The following MAGI1 variants were observed in gnomAD, a reference collection of about 807,000 sequenced individuals.
MAGI1 encodes membrane-associated guanylate kinase, WW and PDZ domain-containing protein 1.
A neutral mutation model predicts 139.9 loss-of-function variants in MAGI1; 58 were observed. That is an observed-to-expected ratio of 0.41 (90% CI 0.34 to 0.52). The LOEUF is 0.52. Ranked by LOEUF, MAGI1 falls within the 20% of genes least tolerant of loss-of-function variation. The pLI, the probability that MAGI1 is intolerant of heterozygous loss-of-function variation, is 0.12. For missense variants in MAGI1, 1,874 were observed against 1,901.6 expected (o/e 0.99, Z 0.27); for synonymous variants, 812 against 737.9 (o/e 1.10, Z -1.63).
chr3:66,000,192 G>C (rs1252155962), intron 1 of MAGI1, among the ~76,000 whole-genome samples: 1 of 151,896 alleles, frequency 6.6e-6, no homozygotes, highest in Non-Finnish European at 1.5e-5. Context: ...TAGCCAGAAC[G>C]GTCTCGATCT....
At chr3:65,762,591 C>G (rs1344570541) in intron 1 of MAGI1, among the ~76,000 whole-genome samples, 1 of 152,000 alleles carries the variant, frequency 6.6e-6, no homozygotes, top group African/African-American at 2.4e-5. Flanking sequence ...TAAGCAGGGC[C>G]CAGGGAAACA....
chr3:65,976,395 G>A lies in MAGI1; in HGVS notation c.313+61601C>T, dbSNP rs193213260. ...TGTAATCCCAGCACTGTGGGGAGAC[G>A]GAGGAGGGTGGATCACTTGAGGACA... On this transcript the variant is annotated intron_variant, in intron 1 of 22. Transcript: ENST00000402939. 2.2e-3 allele frequency among the ~76,000 whole-genome samples: 329 copies of A among 152,188 alleles called. 2 individuals carry two copies. The highest frequency in any genetic ancestry group is 0.019 in the Admixed American group (285 of 15,282).
intron 20 of MAGI1, 33 bp downstream of exon 20, chr3:65,364,632 A>G (rs368492243): frequency 2.1e-5 from 33 of 1,593,764 alleles, no homozygotes; most frequent in Admixed American, 3.4e-5. Flanking sequence ...GGAAACGTGC[A>G]AAGTATAGAG....
chr3:65,905,068 A>G (rs1268377109), intron 1 of MAGI1, among the ~76,000 whole-genome samples: 1 of 152,204 alleles, frequency 6.6e-6, no homozygotes, highest in African/African-American at 2.4e-5. Flanking sequence ...AAATTATACT[A>G]AAAATAAGAA....
chr3:65,381,893 A>G lies in MAGI1; in HGVS notation c.2685T>C (p.Arg895=). Residue 895 remains arginine (R), a synonymous_variant, in exon 16 of 23, where the codon CGT becomes CGC. Transcript: ENST00000402939. ...AATACATACCCGCAAAAACCACTTT[A>G]CGCCGCACCGTGAGATTGACGTGGC... ...KQGHVNLTVR[R]KVVFAVPKTE... is the part of the protein sequence containing the mutation. 6.2e-7 allele frequency: 1 copy of G among 1,612,856 alleles called. No individual in the cohort carries two copies.
chr3:65,765,565 G>A (rs1212588728), intron 1 of MAGI1, among the ~76,000 whole-genome samples: 2 of 152,164 alleles, frequency 1.3e-5, no homozygotes, highest in African/African-American at 4.8e-5. Context: ...TTCGGGCCCA[G>A]GACAACCTAA....
intron 1 of MAGI1, among the ~76,000 whole-genome samples, chr3:65,852,004 G>T (rs984572167): frequency 1.3e-5 from 2 of 152,190 alleles, no homozygotes; most frequent in Non-Finnish European, 2.9e-5. Flanking sequence ...AATCATATGG[G>T]GAAGGTTTTT....
chr3:65,839,217 A>G (rs1310815842), intron 1 of MAGI1, among the ~76,000 whole-genome samples: 1 of 152,238 alleles, frequency 6.6e-6, no homozygotes, highest in Non-Finnish European at 1.5e-5. Context: ...TGTAGCCATC[A>G]TAAGATTCTA....
At chr3:65,737,114 C>T (rs1198159241) in intron 1 of MAGI1, among the ~76,000 whole-genome samples, 1 of 152,122 alleles carries the variant, frequency 6.6e-6, no homozygotes, top group Admixed American at 6.5e-5. Context: ...ACACCATTCT[C>T]CTGCCTCAGC....
intron 1 of MAGI1, among the ~76,000 whole-genome samples, chr3:65,857,559 C>T (rs12496852): frequency 0.14 from 21,578 of 152,126 alleles, 1,604 homozygotes; most frequent in African/African-American, 0.18. Context: ...CAGAGCTAAT[C>T]GCTCAGGCTG....
intron 1 of MAGI1, among the ~76,000 whole-genome samples, chr3:65,917,796 G>A (rs1374147370): frequency 1.3e-5 from 2 of 152,178 alleles, no homozygotes; most frequent in African/African-American, 4.8e-5. Context: ...TAAATAAGTA[G>A]AGCACCAAGA....
chr3:65,844,115 T>C, intron 1 of MAGI1: 1 of 517,080 alleles, frequency 1.9e-6, no homozygotes, highest in Non-Finnish European at 3.8e-6. Context: ...GGCCAAACAG[T>C]GGGGCTGGAC....
intron 14 of MAGI1, chr3:65,387,363 T>C: frequency 1.7e-6 from 1 of 583,054 alleles, no homozygotes; most frequent in East Asian, 3.0e-5. Context: ...GTTAAAAGAC[T>C]ATAGTTTGAT....
intron 1 of MAGI1, among the ~76,000 whole-genome samples, chr3:65,900,475 T>G (rs1383219535): frequency 6.6e-6 from 1 of 152,338 alleles, no homozygotes; most frequent in East Asian, 1.9e-4. Flanking sequence ...TGGTAAGCAC[T>G]CAATAAATGT....
At chr3:65,968,670 A>C (rs532700788) in intron 1 of MAGI1, among the ~76,000 whole-genome samples, 30 of 151,994 alleles carry the variant, frequency 2.0e-4, no homozygotes, top group African/African-American at 6.7e-4. Context: ...TATACGTATA[A>C]ACAATTCTAG....
Position 65,729,127 on chromosome 3 carries a change from G to T in MAGI1, c.314-107039C>A, listed in dbSNP as rs1043522651. 2.7e-4 allele frequency among the ~76,000 whole-genome samples: 18 copies of T among 67,282 alleles called. 3 individuals are homozygous for T. The highest frequency in any genetic ancestry group is 2.0e-3 in the South Asian group (4 of 2,026). The allele number at this position is 67,282 out of a possible 152,430, so 44.1% of individuals were successfully genotyped here. A position where few individuals can be genotyped will look rare whatever the true frequency, so the allele number is the denominator to read the frequency against. ...AGTTAACAAAAAATGGAACGGGGGG[G>T]GGGGGGGGGATGATATTCACTCTGA... On this transcript the variant is annotated intron_variant, in intron 1 of 22. Coordinates refer to ENST00000402939, the MANE Select transcript of MAGI1 (RefSeq NM_001033057.2).
intron 1 of MAGI1, among the ~76,000 whole-genome samples, chr3:65,857,322 T>C (rs1452719202): frequency 1.3e-5 from 2 of 152,236 alleles, no homozygotes; most frequent in Non-Finnish European, 2.9e-5. Context: ...TACCAAGTAA[T>C]GCTGCAGAGA....
At chr3:65,558,330 T>C (rs1334533004) in intron 2 of MAGI1, among the ~76,000 whole-genome samples, 2 of 152,128 alleles carry the variant, frequency 1.3e-5, no homozygotes, top group Non-Finnish European at 2.9e-5. Context: ...GTGGAAAGAA[T>C]TACTAAGCAA....
chr3:65,770,659 C>T (rs1022078686), intron 1 of MAGI1, among the ~76,000 whole-genome samples: 5 of 152,040 alleles, frequency 3.3e-5, no homozygotes, highest in Non-Finnish European at 7.4e-5. Context: ...TGCATATAGG[C>T]GTATCCTTTT....
Sources: gnomAD v4.1 joint callset for allele counts (sites outside exome capture counted in the v4.1 genomes callset) on GRCh38, gnomAD v4.1.1 for gene constraint, MANE v1.5 for transcripts, NCBI Gene and HGNC (gene_info 2026-07-23, HGNC 2026-07-21) for gene names.